The following CD226 variants were observed in gnomAD, a reference collection of about 807,000 sequenced individuals.
CD226 encodes CD226 antigen.
A neutral mutation model predicts 34.9 loss-of-function variants in CD226; 24 were observed. That is an observed-to-expected ratio of 0.69 (90% CI 0.50 to 0.97). The LOEUF is 0.97. Ranked by LOEUF, CD226 falls within the 50% of genes least tolerant of loss-of-function variation. The probability of loss-of-function intolerance (pLI) is 0.00; values close to 1 mark genes in which losing one functional copy is unlikely to be tolerated. For missense variants in CD226, 397 were observed against 412.7 expected (o/e 0.96, Z 0.33); for synonymous variants, 148 against 147.4 (o/e 1.00, Z -0.03).
intron 3 of CD226, among the ~76,000 whole-genome samples, chr18:69,886,274 C>T (rs185521232): frequency 2.4e-3 from 359 of 152,260 alleles, no homozygotes; most frequent in African/African-American, 8.2e-3. Flanking sequence ...TCAGTAACTA[C>T]GAGTAAATTC....
chr18:69,907,000 A>G (rs1214426334), intron 2 of CD226, among the ~76,000 whole-genome samples: 1 of 152,138 alleles, frequency 6.6e-6, no homozygotes, highest in African/African-American at 2.4e-5. Context: ...CTGCCTGAGA[A>G]TGCACACACT....
Position 69,863,566 on chromosome 18 carries a change from T to C in CD226, c.*748A>G, listed in dbSNP as rs1203444755. Reference sequence around the variant, plus strand: ...GCTGATAGAGTGGATTCTAGAAGTATGGACAGAGATACCCCATTTCTAGAA... The same window carrying C: ...GCTGATAGAGTGGATTCTAGAAGTACGGACAGAGATACCCCATTTCTAGAA... On this transcript the variant is annotated 3_prime_UTR_variant, in exon 6 of 6. Coordinates refer to ENST00000582621, the MANE Select transcript of CD226 (RefSeq NM_001303618.2). 2 of 152,222 alleles carry C rather than the reference T, an allele frequency of 1.3e-5. No homozygotes were observed. The highest frequency in any genetic ancestry group is 1.9e-4 in the East Asian group (1 of 5,194). 9.4% of individuals were successfully genotyped at this position (152,222 alleles called of 1,614,324 possible). A position where few individuals can be genotyped will look rare whatever the true frequency, so the allele number is the denominator to read the frequency against.
intron 2 of CD226, among the ~76,000 whole-genome samples, chr18:69,938,851 A>G (rs56322307): frequency 0.076 from 11,604 of 152,290 alleles, 958 homozygotes; most frequent in African/African-American, 0.2. Context: ...TTGGGAGGCC[A>G]AGGTGGGGTG....
At chr18:69,961,624 T>A (rs2055930003), upstream of CD226, 1 of 152,192 alleles carries the variant, frequency 6.6e-6, no homozygotes, top group Non-Finnish European at 1.5e-5. Context: ...CCCAGCAAAC[T>A]TCACCCACGA....
chr18:69,929,855 A>G (rs893600487), intron 2 of CD226, among the ~76,000 whole-genome samples: 2 of 152,130 alleles, frequency 1.3e-5, no homozygotes, highest in Non-Finnish European at 2.9e-5. Flanking sequence ...AACATCGAAT[A>G]TATTATGAAA....
chr18:69,919,067 C>T (rs1020138999), intron 2 of CD226, among the ~76,000 whole-genome samples: 1 of 152,094 alleles, frequency 6.6e-6, no homozygotes, highest in Non-Finnish European at 1.5e-5. Context: ...GACCTGGCAG[C>T]CAAATGAAGA....
intron 3 of CD226, among the ~76,000 whole-genome samples, chr18:69,891,407 T>C (rs1984896512): frequency 6.6e-6 from 1 of 152,216 alleles, no homozygotes; most frequent in Non-Finnish European, 1.5e-5. Flanking sequence ...TGAGAACTTT[T>C]GCTCTAAGAT....
At chr18:69,883,016 A>G (rs1984354156) in intron 3 of CD226, among the ~76,000 whole-genome samples, 1 of 152,112 alleles carries the variant, frequency 6.6e-6, no homozygotes, top group South Asian at 2.1e-4. Flanking sequence ...CCTAGCCAAG[A>G]CTGTTTCTGT....
At chr18:69,958,511 T>C (rs2055913674), upstream of CD226, among the ~76,000 whole-genome samples, 2 of 152,206 alleles carry the variant, frequency 1.3e-5, no homozygotes, top group African/African-American at 4.8e-5. Context: ...AGACAAGTTT[T>C]CTTTTGAGTC....
intron 2 of CD226, among the ~76,000 whole-genome samples, chr18:69,898,906 C>T (rs1049390076): frequency 1.3e-5 from 2 of 151,976 alleles, no homozygotes; most frequent in South Asian, 2.1e-4. Flanking sequence ...AGTGGATTCA[C>T]GTGAAACAGA....
At chr18:69,891,890 A>AT (rs781614539) in intron 3 of CD226, among the ~76,000 whole-genome samples, 16 of 152,356 alleles carry the variant, frequency 1.1e-4, no homozygotes, top group Non-Finnish European at 2.2e-4. Context: ...TGACAATTAT[A>AT]TGAGATGCAG....
chr18:69,883,929 G>C (rs551672827), intron 3 of CD226, among the ~76,000 whole-genome samples: 127 of 152,368 alleles, frequency 8.3e-4, no homozygotes, highest in Non-Finnish European at 1.6e-3. Flanking sequence ...TATGACAGCA[G>C]AAGGATCCAA....
rs117492126 is a variant in CD226, at chr18:69,939,280, C to T, written c.382+7454G>A. 6.0e-3 allele frequency among the ~76,000 whole-genome samples: 917 copies of T among 152,284 alleles called. 4 individuals are homozygous for T. The highest frequency in any genetic ancestry group is 0.01 in the Middle Eastern group (3 of 294). On this transcript the variant is annotated intron_variant, in intron 2 of 5. Coordinates refer to ENST00000582621, the MANE Select transcript of CD226 (RefSeq NM_001303618.2). ...AACTTTGCTTTTCTTTATAGTTTTA[C>T]CACGTTTGTATCTATAAATAACGTA... is the stretch of plus-strand genomic sequence containing the variant.
chr18:69,898,603 G>T (rs1985434466), intron 2 of CD226, among the ~76,000 whole-genome samples: 1 of 152,182 alleles, frequency 6.6e-6, no homozygotes, highest in African/African-American at 2.4e-5. Flanking sequence ...TCAGCCTGGA[G>T]GTGAAAGAAG....
At chr18:69,928,175 C>T (rs1044891829) in intron 2 of CD226, among the ~76,000 whole-genome samples, 11 of 152,218 alleles carry the variant, frequency 7.2e-5, no homozygotes, top group African/African-American at 2.7e-4. Context: ...TTTTCACTTA[C>T]TCGAAAGTAC....
intron 2 of CD226, among the ~76,000 whole-genome samples, chr18:69,935,206 A>C (rs2145341568): frequency 6.6e-6 from 1 of 152,294 alleles, no homozygotes; most frequent in Middle Eastern, 3.4e-3. Flanking sequence ...AATATCTCAA[A>C]TCTCACATTT....
intron 1 of CD226, 40 bp from the exon 2 acceptor site, chr18:69,947,109 A>G: frequency 6.7e-7 from 1 of 1,488,214 alleles, no homozygotes; most frequent in Non-Finnish European, 9.3e-7. Flanking sequence ...AGCCTTGATG[A>G]TGGAAACACC....
intron 3 of CD226, among the ~76,000 whole-genome samples, chr18:69,877,008 C>A (rs918827570): frequency 6.6e-6 from 1 of 151,498 alleles, no homozygotes; most frequent in Non-Finnish European, 1.5e-5. Context: ...GGATTACAGG[C>A]ACCCGCCACT....
At chr18:69,944,827 CAG>C (rs1472893398) in intron 2 of CD226, among the ~76,000 whole-genome samples, 2 of 152,178 alleles carry the variant, frequency 1.3e-5, no homozygotes, top group East Asian at 1.9e-4. Context: ...TATGGTGAAA[CAG>C]AGTCTTTAAT....
Sources: allele counts gnomAD v4.1 joint callset (sites outside exome capture counted in the v4.1 genomes callset), GRCh38; gene constraint gnomAD v4.1.1; transcripts MANE v1.5; gene names NCBI Gene and HGNC (gene_info 2026-07-23, HGNC 2026-07-21).